CD302: variants seen among roughly 807,000 people sequenced by gnomAD.
CD302 encodes CD302 antigen.
A neutral mutation model predicts 26.5 loss-of-function variants in CD302; 23 were observed. The ratio of observed to expected loss-of-function variants is 0.87; its 90% CI spans 0.62 to 1.23. CD302 has a LOEUF of 1.23. CD302 is among the 50% of genes most tolerant of loss of function. The pLI, the probability that CD302 is intolerant of heterozygous loss-of-function variation, is 0.00. For missense variants in CD302, 290 were observed against 275.5 expected, an observed-to-expected ratio of 1.05 and a Z score of -0.37; for synonymous variants, 90 against 99.4, an observed-to-expected ratio of 0.91 and a Z score of 0.56.
At position 159,771,576 on chromosome 2, in the gene CD302, C is replaced by T. The variant is rs1444872112; in HGVS notation, c.*275G>A. ...AAATAGGCTGGGCTTTTATTTTTAT[C>T]TGCTTGGGCTTTAAGCTTTCCTTCA... On this transcript the variant is annotated 3_prime_UTR_variant, in exon 6 of 6. Transcript: ENST00000259053. 1.0e-5 allele frequency: 3 copies of T among 298,924 alleles called. No individual in the cohort carries two copies. Among genetic ancestry groups the T allele is most frequent in the Non-Finnish European group, 1.9e-5 (3 of 160,572 alleles). The allele number at this position is 298,924 out of a possible 1,614,324, so 18.5% of individuals were successfully genotyped here. A position where few individuals can be genotyped will look rare whatever the true frequency, so the allele number is the denominator to read the frequency against.
At chr2:159,796,472 G>A (rs1194856934) in intron 1 of CD302, among the ~76,000 whole-genome samples, 1 of 152,192 alleles carries the variant, frequency 6.6e-6, no homozygotes, top group Non-Finnish European at 1.5e-5. Flanking sequence ...ATAGGGACTA[G>A]ACGTGGAGTT....
chr2:159,788,657 C>T (rs1708729724), intron 1 of CD302, among the ~76,000 whole-genome samples: 1 of 152,212 alleles, frequency 6.6e-6, no homozygotes, highest in African/African-American at 2.4e-5. Flanking sequence ...TGCTTTTCCC[C>T]CTTCTTGCTG....
intron 2 of CD302, among the ~76,000 whole-genome samples, chr2:159,782,526 A>C (rs953764892): frequency 6.6e-6 from 1 of 151,508 alleles, no homozygotes; most frequent in African/African-American, 2.4e-5. Context: ...TGAGGCCAAG[A>C]GTTTCAGACC....
Position 159,776,306 on chromosome 2 carries a change from G to T in CD302, c.496+1632C>A, listed in dbSNP as rs569108413. ...CCCTTCATCAGTGGACACTTGGGTT[G>T]CTTCCACCTTTTGGCTATGGCAAAT... On this transcript the variant is annotated intron_variant, in intron 5 of 5. Coordinates refer to ENST00000259053, the MANE Select transcript of CD302 (RefSeq NM_014880.5). Among the ~76,000 whole-genome samples, 3 of 152,226 alleles carry T rather than the reference G, an allele frequency of 2.0e-5. No individual in the cohort carries two copies. The South Asian group carries it at 6.2e-4, about 32-fold the overall frequency.
intron 1 of CD302, among the ~76,000 whole-genome samples, chr2:159,794,946 C>T (rs143867790): frequency 1.8e-3 from 270 of 151,610 alleles, no homozygotes; most frequent in African/African-American, 5.8e-3. Context: ...GGCATCAGGC[C>T]GGGCACGGTG....
chr2:159,791,729 G>A (rs1362236252), intron 1 of CD302, among the ~76,000 whole-genome samples: 1 of 152,192 alleles, frequency 6.6e-6, no homozygotes, highest in African/African-American at 2.4e-5. Context: ...CTACACAATC[G>A]TGGACATGTT....
intron 1 of CD302, 78 bp downstream of exon 1, chr2:159,798,054 G>T: frequency 7.3e-7 from 1 of 1,368,862 alleles, no homozygotes; most frequent in Non-Finnish European, 9.8e-7. Flanking sequence ...TCGGGTGCGC[G>T]GGGACGAAGA....
rs1708049200 is a variant in CD302, at chr2:159,769,059, A to ATACCCCAATCC, written c.*2791_*2792insGGATTGGGGTA. The ATACCCCAATCC allele has an allele frequency of 1.3e-5, 2 of 152,188 alleles. No homozygotes were observed. The highest frequency in any genetic ancestry group is 2.9e-5 in the Non-Finnish European group (2 of 68,026). The allele number at this position is 152,188 out of a possible 1,614,324, so 9.4% of individuals were successfully genotyped here. ...TTAGCTTCAGATTATCATGTAAATG[A>ATACCCCAATCC]CGGTAGAGGAATAAGAGAAAAGGCT... On this transcript the variant is annotated 3_prime_UTR_variant, in exon 6 of 6. Transcript: ENST00000259053.
chr2:159,786,187 A>T (rs1708658989), intron 1 of CD302, among the ~76,000 whole-genome samples: 1 of 152,178 alleles, frequency 6.6e-6, no homozygotes. Context: ...CTCTTGGATT[A>T]TAATAGGGAC....
intron 5 of CD302, among the ~76,000 whole-genome samples, chr2:159,774,313 T>A (rs1708245815): frequency 1.3e-5 from 2 of 152,188 alleles, no homozygotes; most frequent in African/African-American, 4.8e-5. Context: ...CACTGTCCAG[T>A]CAACCAATCT....
intron 1 of CD302, among the ~76,000 whole-genome samples, chr2:159,796,510 G>A (rs1294555521): frequency 2.0e-5 from 3 of 152,192 alleles, no homozygotes; most frequent in Non-Finnish European, 2.9e-5. Context: ...ATAGCCCCAT[G>A]AGTAAGTATT....
chr2:159,785,763 C>T (rs900100824), intron 1 of CD302, among the ~76,000 whole-genome samples: 5 of 152,210 alleles, frequency 3.3e-5, no homozygotes, highest in African/African-American at 1.2e-4. Flanking sequence ...GTCTGCTCAT[C>T]CTTTGAGGCT....
intron 1 of CD302, among the ~76,000 whole-genome samples, chr2:159,787,411 TTG>T (rs1708696045): frequency 6.6e-6 from 1 of 152,160 alleles, no homozygotes; most frequent in Admixed American, 6.5e-5. Flanking sequence ...TTCTCATTTA[TTG>T]TCTTTTTTGT....
chr2:159,783,225 G>T, intron 2 of CD302, 134 bp downstream of exon 2: 1 of 655,058 alleles, frequency 1.5e-6, no homozygotes, highest in African/African-American at 1.8e-5. Flanking sequence ...CTTGTGTGTT[G>T]TCAAATAAAA....
At chr2:159,794,485 G>A (rs62175224) in intron 1 of CD302, among the ~76,000 whole-genome samples, 2 of 130,306 alleles carry the variant, frequency 1.5e-5, no homozygotes, top group African/African-American at 5.7e-5. Flanking sequence ...CTTTTTCATT[G>A]GAAGAAAAAT....
At chr2:159,783,266 AAGTC>A (rs1455018795) in intron 2 of CD302, 89 bp downstream of exon 2, 7 of 1,034,352 alleles carry the variant, frequency 6.8e-6, no homozygotes, top group Non-Finnish European at 8.1e-6. Context: ...ACCCAGTTAA[AAGTC>A]AGATGTGACA....
At position 159,770,889 on chromosome 2, in the gene CD302, C is replaced by T. The variant is rs1708124982; in HGVS notation, c.*962G>A. On this transcript the variant is annotated 3_prime_UTR_variant, in exon 6 of 6. Transcript: ENST00000259053. ...CTAATTTACGTGAAATTTATACATT[C>T]TTTATCTTTCCTGTTTTTGGTTTAT... 6.6e-6 allele frequency: 1 copy of T among 152,072 alleles called. No individual in the cohort carries two copies. Among genetic ancestry groups the T allele is most frequent in the South Asian group, 2.1e-4 (1 of 4,830 alleles). 9.4% of individuals were successfully genotyped at this position (152,072 alleles called of 1,614,324 possible).
intron 1 of CD302, among the ~76,000 whole-genome samples, chr2:159,787,997 T>C (rs536550500): frequency 3.3e-5 from 5 of 151,932 alleles, no homozygotes; most frequent in East Asian, 3.9e-4. Context: ...ATCCCAGCTA[T>C]TGGGGAGCCT....
rs886269698 is a variant in CD302 at position 159,794,828 on chromosome 2, G to A, written c.67+3304C>T. On this transcript the variant is annotated intron_variant, in intron 1 of 5. Coordinates refer to ENST00000259053, the MANE Select transcript of CD302 (RefSeq NM_014880.5). ...CTCCCAAAGTGCTGGGATTACAGGC[G>A]TGAGCCACCACGCCCAGCTCAAAAT... Among the ~76,000 whole-genome samples, 56 of 151,660 alleles carry A rather than the reference G, an allele frequency of 3.7e-4. 1 individual carries two copies. The highest frequency in any genetic ancestry group is 6.6e-4 in the Non-Finnish European group (45 of 67,916).
Sources: allele counts gnomAD v4.1 joint callset (sites outside exome capture counted in the v4.1 genomes callset), GRCh38; gene constraint gnomAD v4.1.1; transcripts MANE v1.5; gene names NCBI Gene and HGNC (gene_info 2026-07-23, HGNC 2026-07-21).